TRIM37: variants seen among roughly 807,000 people sequenced by gnomAD.
TRIM37 encodes E3 ubiquitin-protein ligase TRIM37.
TRIM37 carries 80 observed loss-of-function variants against 129.8 expected under a neutral mutation model. That is an observed-to-expected ratio of 0.62 (90% CI 0.51 to 0.74). The LOEUF is 0.74. Among genes scored for constraint, TRIM37 ranks in the 30% least tolerant of loss-of-function variants. The pLI, the probability that TRIM37 is intolerant of heterozygous loss-of-function variation, is 0.00. For synonymous variants in TRIM37, 389 were observed against 387.1 expected, an observed-to-expected ratio of 1.00 and a Z score of -0.06; for missense variants, 1,054 against 1,176.5, an observed-to-expected ratio of 0.90 and a Z score of 1.52.
In TRIM37 at chr17:59,054,809, C is replaced by T. The variant is rs537049611; in HGVS notation, c.1199+2066G>A. On this transcript the variant is annotated intron_variant, in intron 13 of 23. Transcript: ENST00000262294. The stretch of plus-strand genomic sequence containing the variant: ...CCTCCTGAGTAGCTGGGATTACAGG[C>T]GCGTGCCACCACAGCCCGGCTAATT... 2.2e-4 allele frequency among the ~76,000 whole-genome samples: 33 copies of T among 151,976 alleles called. 1 individual carries two copies. The highest frequency in any genetic ancestry group is 3.3e-4 in the Admixed American group (5 of 15,272).
the TRIM37 span, chr17:58,972,121 A>T: frequency 5.0e-6 from 8 of 1,606,462 alleles, no homozygotes; most frequent in Non-Finnish European, 6.0e-6. Context: ...TTTTATTTAA[A>T]CTGTTTTCAG....
intron 3 of TRIM37, among the ~76,000 whole-genome samples, chr17:59,090,402 T>C (rs963316290): frequency 6.6e-6 from 1 of 152,036 alleles, no homozygotes; most frequent in Non-Finnish European, 1.5e-5. Flanking sequence ...TATATATATA[T>C]AAATATAGGC....
At chr17:59,045,380 C>T (rs911529297) in intron 16 of TRIM37, among the ~76,000 whole-genome samples, 4 of 151,712 alleles carry the variant, frequency 2.6e-5, no homozygotes, top group African/African-American at 9.7e-5. Flanking sequence ...TGGATCACAC[C>T]TGTAATTCCA....
chr17:58,973,402 G>A, the TRIM37 span, among the ~76,000 whole-genome samples: 1 of 143,512 alleles, frequency 7.0e-6, no homozygotes, highest in African/African-American at 2.6e-5. Flanking sequence ...GGGTGACAGT[G>A]TGAGACTGTC....
At chr17:59,008,242 G>T (rs1362277954) in intron 22 of TRIM37, among the ~76,000 whole-genome samples, 2 of 152,132 alleles carry the variant, frequency 1.3e-5, no homozygotes, top group Non-Finnish European at 1.5e-5. Context: ...AATTACAAGG[G>T]TGTACTTCTG....
chr17:59,073,581 C>T (rs1391547782), intron 8 of TRIM37, among the ~76,000 whole-genome samples: 2 of 152,170 alleles, frequency 1.3e-5, no homozygotes, highest in East Asian at 1.9e-4. Context: ...TGAGCCACCA[C>T]GCCCGGCCTA....
intron 7 of TRIM37, among the ~76,000 whole-genome samples, chr17:59,078,056 C>T (rs1299440362): frequency 6.6e-6 from 1 of 151,638 alleles, no homozygotes; most frequent in African/African-American, 2.4e-5. Context: ...ACCCAGGAGG[C>T]GGAGGGTGCA....
intron 4 of TRIM37, among the ~76,000 whole-genome samples, chr17:59,084,831 C>A (rs1315896567): frequency 6.6e-6 from 1 of 152,148 alleles, no homozygotes; most frequent in East Asian, 1.9e-4. Flanking sequence ...GAGGACAGAG[C>A]TAGGTGGTGG....
At chr17:59,078,726 T>C (rs2043023209) in intron 7 of TRIM37, among the ~76,000 whole-genome samples, 1 of 152,184 alleles carries the variant, frequency 6.6e-6, no homozygotes, top group Non-Finnish European at 1.5e-5. Context: ...ATGAAATATA[T>C]AAGTGGCATT....
intron 24 of TRIM37, among the ~76,000 whole-genome samples, chr17:58,990,316 C>T (rs1184723481): frequency 6.6e-6 from 1 of 150,750 alleles, no homozygotes; most frequent in Non-Finnish European, 1.5e-5. Flanking sequence ...CATGGAGAAA[C>T]CCTATCTCTA....
In TRIM37 at chr17:59,000,044, T is replaced by C. The variant is rs527328174; in HGVS notation, c.2813-585A>G. Among the ~76,000 whole-genome samples, 4 of 152,364 alleles carry C rather than the reference T, an allele frequency of 2.6e-5. No homozygotes were observed. In the East Asian group the frequency reaches 7.7e-4, roughly 29 times the overall value. ...GAAAATGGCATAGGCTTAACAATGT[T>C]GTCACTCCAGGATATCTTGCAGAGG... On this transcript the variant is annotated intron_variant, in intron 23 of 23. Transcript: ENST00000262294.
chr17:59,088,411 G>A lies in TRIM37; in HGVS notation c.165-4C>T, dbSNP rs1367590278. The A allele has an allele frequency of 6.4e-7, 1 of 1,564,868 alleles. No homozygotes were observed. The highest frequency in any genetic ancestry group is 2.2e-5 in the East Asian group (1 of 44,628). ...TTCTCGTAGCTGGAGTGGAGCACTGGGGAGAAAATCCATACACATACACTA... is the reference window on the plus strand; with the variant it reads ...TTCTCGTAGCTGGAGTGGAGCACTGAGGAGAAAATCCATACACATACACTA... On this transcript the variant is annotated splice_region_variant and splice_polypyrimidine_tract_variant and intron_variant, in intron 3 of 23. Transcript: ENST00000262294.
intron 23 of TRIM37, 129 bp downstream of exon 23, chr17:59,001,469 A>AAT: frequency 9.4e-7 from 1 of 1,067,728 alleles, no homozygotes; most frequent in Non-Finnish European, 1.3e-6. Context: ...AAAAAAAAAA[A>AAT]GAAGTAGAAG....
At chr17:59,066,694 C>T (rs1182192043) in intron 9 of TRIM37, among the ~76,000 whole-genome samples, 1 of 152,166 alleles carries the variant, frequency 6.6e-6, no homozygotes, top group Non-Finnish European at 1.5e-5. Flanking sequence ...TACATATGTA[C>T]ATTCTCCTAG....
At chr17:58,980,258 G>A (rs2031278555), downstream of TRIM37, 1 of 1,614,108 alleles carries the variant, frequency 6.2e-7, no homozygotes, top group South Asian at 1.1e-5. This position sits in a 1 kb window ranked among gnomAD's most constrained non-coding sequence, Gnocchi z 4.7. Context: ...AAATGTTAGT[G>A]AGGAATCAGA....
chr17:59,056,200 C>T (rs1684426536), intron 13 of TRIM37, among the ~76,000 whole-genome samples: 1 of 151,934 alleles, frequency 6.6e-6, no homozygotes, highest in South Asian at 2.1e-4. Context: ...GTTTCCCACC[C>T]ACCCCCTTTT....
At chr17:58,996,935 C>A (rs890008536), downstream of TRIM37, among the ~76,000 whole-genome samples, 8 of 151,914 alleles carry the variant, frequency 5.3e-5, no homozygotes, top group African/African-American at 1.9e-4. Flanking sequence ...AAGCATCTGT[C>A]AAACCCAAAT....
At chr17:58,976,100 A>G in the TRIM37 span, among the ~76,000 whole-genome samples, 1 of 152,120 alleles carries the variant, frequency 6.6e-6, no homozygotes, top group East Asian at 1.9e-4. Context: ...TATTGTTTCT[A>G]TTTTTAGGAC....
intron 21 of TRIM37, among the ~76,000 whole-genome samples, chr17:59,013,385 G>A (rs2035541804): frequency 6.6e-6 from 1 of 152,132 alleles, no homozygotes; most frequent in Admixed American, 6.6e-5. Flanking sequence ...GATCTCAAGT[G>A]ATCTGCCCAC....
Sources: gnomAD v4.1 joint callset for allele counts (sites outside exome capture counted in the v4.1 genomes callset) on GRCh38, gnomAD v4.1.1 for gene constraint, Gnocchi (gnomAD v3.1) non-coding constraint, MANE v1.5 for transcripts, NCBI Gene and HGNC (gene_info 2026-07-23, HGNC 2026-07-21) for gene names.